CHRNB3: variants seen among roughly 807,000 people sequenced by gnomAD.
The protein encoded by CHRNB3 is neuronal acetylcholine receptor subunit beta-3.
CHRNB3 carries 37 observed loss-of-function variants against 40.6 expected under a neutral mutation model. The observed-to-expected ratio is 0.91, with a 90% CI of 0.70 to 1.20. The LOEUF is 1.20. Ranked by LOEUF, CHRNB3 falls within the 50% of genes most tolerant of loss-of-function variation. CHRNB3 has a pLI of 0.00. For missense variants in CHRNB3, 505 were observed against 551.2 expected (o/e 0.92, Z 0.84); for synonymous variants, 207 against 207.1 (o/e 1.00, Z 0.00).
At chr8:42,708,101 A>T (rs2128905174) in intron 1 of CHRNB3, among the ~76,000 whole-genome samples, 1 of 152,280 alleles carries the variant, frequency 6.6e-6, no homozygotes, top group Admixed American at 6.5e-5. Context: ...GTGGCTGCAG[A>T]TGGAGCTTTT....
rs965759343 is a variant in CHRNB3, at chr8:42,716,542, G to C, written c.249+6108G>C. Among the ~76,000 whole-genome samples, 5 of 152,014 alleles carry C rather than the reference G, an allele frequency of 3.3e-5. No homozygotes were observed. The South Asian group carries it at 1.0e-3, about 32-fold the overall frequency. On this transcript the variant is annotated intron_variant, in intron 3 of 5. Transcript: ENST00000289957. ...ACCCACCAGCAGTGCGCCCAGGCTA[G>C]GGCTGCAGGCATATTTATACCCACC...
At chr8:42,734,586 AT>A (rs1421670115) in intron 5 of CHRNB3, among the ~76,000 whole-genome samples, 1 of 151,474 alleles carries the variant, frequency 6.6e-6, no homozygotes, top group East Asian at 2.0e-4. Context: ...CGCCTGGCCA[AT>A]TTTTTGTGTT....
In CHRNB3 at chr8:42,731,692, C is replaced by T. The variant is rs570078625; in HGVS notation, c.385C>T (p.Leu129=). The change falls in exon 5 of 6, where the codon CTG becomes TTG. Residue 129 remains leucine (L), a synonymous_variant. Coordinates refer to ENST00000289957, the MANE Select transcript of CHRNB3 (RefSeq NM_000749.5). ...ENADGRFEGS[L]MTKVIVKSNG... is the part of the protein sequence containing the mutation. ...TGCTGACGGCCGCTTCGAAGGCTCC[C>T]TGATGACCAAGGTCATCGTGAAATC... is the stretch of plus-strand genomic sequence containing the variant. The T allele has an allele frequency of 3.1e-6, 5 of 1,611,950 alleles. No individual in the cohort carries two copies. Among genetic ancestry groups the T allele is most frequent in the Admixed American group, 1.7e-5 (1 of 59,778 alleles).
chr8:42,720,972 C>A (rs1264537370), intron 3 of CHRNB3, among the ~76,000 whole-genome samples: 1 of 152,200 alleles, frequency 6.6e-6, no homozygotes, highest in African/African-American at 2.4e-5. Context: ...CAGGTGATTT[C>A]ATTTCCATCA....
At chr8:42,703,427 A>ATATATATATATATATATATATATAT (rs1815855622) in intron 1 of CHRNB3, among the ~76,000 whole-genome samples, 1 of 35,820 alleles carries the variant, frequency 2.8e-5, no homozygotes, top group African/African-American at 5.7e-5. Flanking sequence ...TCGTCTAAAA[A>ATATATATATATATATATATATATAT]AAAAAAAAAT....
intron 1 of CHRNB3, among the ~76,000 whole-genome samples, chr8:42,700,171 G>A (rs543673315): frequency 2.6e-5 from 4 of 151,182 alleles, no homozygotes; most frequent in Admixed American, 6.6e-5. Context: ...CCACCACCAC[G>A]CCCAGCTAAT....
intron 1 of CHRNB3, among the ~76,000 whole-genome samples, chr8:42,707,807 C>T (rs1380732799): frequency 1.3e-5 from 2 of 152,206 alleles, no homozygotes; most frequent in Admixed American, 6.5e-5. Context: ...GAGGGGCACA[C>T]GGCTGGTGTT....
At position 42,711,977 on chromosome 8, in the gene CHRNB3, T is replaced by G. The variant is rs551899653; in HGVS notation, c.249+1543T>G. Among the ~76,000 whole-genome samples the G allele has an allele frequency of 5.0e-3, 755 of 152,088 alleles. 9 individuals carry two copies. Among genetic ancestry groups the G allele is most frequent in the African/African-American group, 0.017 (715 of 41,472 alleles). ...ATGTAATATTTGATTTTCTAAAGTT[T>G]TTTGTTTGTTTGTTTTTCTTTTTCT... On this transcript the variant is annotated intron_variant, in intron 3 of 5. Coordinates refer to ENST00000289957, the MANE Select transcript of CHRNB3 (RefSeq NM_000749.5).
At chr8:42,720,836 T>G (rs72644012) in intron 3 of CHRNB3, among the ~76,000 whole-genome samples, 1 of 152,364 alleles carries the variant, frequency 6.6e-6, no homozygotes, top group Non-Finnish European at 1.5e-5. Context: ...TGCTGCAGTT[T>G]TGCAATTTGC....
chr8:42,711,366 G>GT (rs200171961), intron 3 of CHRNB3, among the ~76,000 whole-genome samples: 199 of 148,912 alleles, frequency 1.3e-3, no homozygotes, highest in Middle Eastern at 0.01. Flanking sequence ...TTTACCAGTG[G>GT]TTTTTTTTTT....
chr8:42,732,833 TC>T (rs1372856587), intron 5 of CHRNB3, among the ~76,000 whole-genome samples: 1 of 152,224 alleles, frequency 6.6e-6, no homozygotes, highest in Non-Finnish European at 1.5e-5. Context: ...ATTAAATAAT[TC>T]AATTACACAT....
At chr8:42,715,610 T>G (rs952776525) in intron 3 of CHRNB3, among the ~76,000 whole-genome samples, 1 of 152,016 alleles carries the variant, frequency 6.6e-6, no homozygotes, top group Non-Finnish European at 1.5e-5. Context: ...GTGGGGTTTT[T>G]TAAGTCAATT....
intron 5 of CHRNB3, among the ~76,000 whole-genome samples, chr8:42,735,882 T>G (rs1816515500): frequency 6.6e-6 from 1 of 152,258 alleles, no homozygotes. Flanking sequence ...AATTATAAAC[T>G]TGTGATTCTT....
rs1241533271 is a variant in CHRNB3, at chr8:42,730,627, G to GA, written c.284dup (p.Asp95GlufsTer2). The GA allele has an allele frequency of 6.2e-7, 1 of 1,607,050 alleles. No homozygotes were observed. Among genetic ancestry groups the GA allele is most frequent in the African/African-American group, 1.3e-5 (1 of 74,712 alleles). ...AGACCACAAGTTACGCTGGAATCCT[G>GA]ATGATTATGGTGGGATCCATTCCAT... On this transcript the variant is annotated frameshift_variant, in exon 4 of 6. Coordinates refer to ENST00000289957, the MANE Select transcript of CHRNB3 (RefSeq NM_000749.5). LOFTEE classifies it high-confidence loss of function.
chr8:42,717,371 C>A (rs11781287), intron 3 of CHRNB3, among the ~76,000 whole-genome samples: 154 of 7,198 alleles, frequency 0.021, 5 homozygotes, highest in Non-Finnish European at 0.039. Flanking sequence ...GAGACTCCGT[C>A]TCAAAAAAAA....
At chr8:42,714,005 G>A (rs1816060209) in intron 3 of CHRNB3, among the ~76,000 whole-genome samples, 1 of 152,190 alleles carries the variant, frequency 6.6e-6, no homozygotes, top group African/African-American at 2.4e-5. Flanking sequence ...TATAGTCATT[G>A]CGACGTCCAT....
chr8:42,737,005 G>A lies in CHRNB3; in HGVS notation c.*387G>A, dbSNP rs1257154951. ...ATTCACCTGGAATTAAGGAAGTCTC[G>A]GTGTCGAGCTATCTGTGTGGGCAGA... On this transcript the variant is annotated 3_prime_UTR_variant, in exon 6 of 6. Transcript: ENST00000289957. The A allele has an allele frequency of 1.0e-5, 2 of 199,622 alleles. No homozygotes were observed. Among genetic ancestry groups the A allele is most frequent in the Admixed American group, 5.5e-5 (1 of 18,306 alleles). 12.4% of individuals were successfully genotyped at this position (199,622 alleles called of 1,614,324 possible). A position where few individuals can be genotyped will look rare whatever the true frequency, so the allele number is the denominator to read the frequency against.
chr8:42,698,892 G>T (rs1330506047), intron 1 of CHRNB3, among the ~76,000 whole-genome samples: 1 of 152,098 alleles, frequency 6.6e-6, no homozygotes, highest in Non-Finnish European at 1.5e-5. Context: ...GCTAAGTCTC[G>T]TCCTCTGTGT....
At chr8:42,731,051 T>G (rs1816407374) in intron 4 of CHRNB3, among the ~76,000 whole-genome samples, 2 of 96,984 alleles carry the variant, frequency 2.1e-5, no homozygotes, top group Non-Finnish European at 4.0e-5. Context: ...CGAGACTCCG[T>G]CTCAAAAAAT....
Sources: gnomAD v4.1 joint callset for allele counts (sites outside exome capture counted in the v4.1 genomes callset) on GRCh38, gnomAD v4.1.1 for gene constraint, MANE v1.5 for transcripts, NCBI Gene and HGNC (gene_info 2026-07-23, HGNC 2026-07-21) for gene names.